The following ADAMTS2 variants were observed in gnomAD, a reference collection of about 807,000 sequenced individuals.
ADAMTS2 encodes A disintegrin and metalloproteinase with thrombospondin motifs 2.
A neutral mutation model predicts 123.0 loss-of-function variants in ADAMTS2; 50 were observed. The ratio of observed to expected loss-of-function variants is 0.41; its 90% CI spans 0.32 to 0.51. The LOEUF (loss-of-function observed/expected upper bound fraction) is 0.51, where lower values mean the gene tolerates loss of function less well. Ranked by LOEUF, ADAMTS2 falls within the 20% of genes least tolerant of loss-of-function variation. The probability of loss-of-function intolerance (pLI) is 0.35; values close to 1 mark genes in which losing one functional copy is unlikely to be tolerated. For missense variants in ADAMTS2, 1,494 were observed against 1,705.2 expected (o/e 0.88, Z 2.18); for synonymous variants, 678 against 695.4 (o/e 0.98, Z 0.39).
rs915560630 is a variant in ADAMTS2, at chr5:179,192,305, C to A, written c.892-11150G>T. On this transcript the variant is annotated intron_variant, in intron 4 of 21. Transcript: ENST00000251582. ...TGCATTACAAGCTCACGGCAAGGGT[C>A]GTCTGCTGCCAGCGTATCCCTCCCT... 2.0e-5 allele frequency among the ~76,000 whole-genome samples: 3 copies of A among 152,232 alleles called. 1 individual carries two copies. In the South Asian group the frequency reaches 6.2e-4, roughly 32 times the overall value.
rs2113577371 is a variant in ADAMTS2 at position 179,312,387 on chromosome 5, G to A, written c.534+31380C>T. On this transcript the variant is annotated intron_variant, in intron 2 of 21. Transcript: ENST00000251582. The surrounding 1 kb of genome is among the most constrained non-coding windows in gnomAD (Gnocchi z 4.2). ...TTCCATCCACACGAATGGGATTTGT[G>A]CCCCGATCAGAGGGACCCCAGAGAG... Among the ~76,000 whole-genome samples, 1 of 152,290 alleles carries A rather than the reference G, an allele frequency of 6.6e-6. No homozygotes were observed. Among genetic ancestry groups the A allele is most frequent in the Non-Finnish European group, 1.5e-5 (1 of 68,026 alleles).
rs578023428 is a variant in ADAMTS2, at chr5:179,152,900, T to C, written c.1515+591A>G. On this transcript the variant is annotated intron_variant, in intron 9 of 21. Transcript: ENST00000251582. ...GCTTTGTGGGCTCAGGCAGGTTACC[T>C]AGCCTCTCCGGGTCTCTGTTTCCTC... Among the ~76,000 whole-genome samples, 30 of 152,262 alleles carry C rather than the reference T, an allele frequency of 2.0e-4. 1 individual carries two copies. The South Asian group carries it at 6.0e-3, about 30-fold the overall frequency.
At chr5:179,295,665 A>G (rs529183233) in intron 2 of ADAMTS2, among the ~76,000 whole-genome samples, 45 of 152,322 alleles carry the variant, frequency 3.0e-4, no homozygotes, top group African/African-American at 1.0e-3. Context: ...CAACCACCAC[A>G]GACTCAGGAC....
chr5:179,268,903 C>T (rs1009359014), intron 3 of ADAMTS2, among the ~76,000 whole-genome samples: 1 of 152,244 alleles, frequency 6.6e-6, no homozygotes, highest in Non-Finnish European at 1.5e-5. Flanking sequence ...TAGCTGGCTG[C>T]ATGGTGCCCC....
chr5:179,176,870 C>G (rs1415210219), intron 5 of ADAMTS2, among the ~76,000 whole-genome samples: 1 of 152,030 alleles, frequency 6.6e-6, no homozygotes, highest in Non-Finnish European at 1.5e-5. Flanking sequence ...GCTCGTCCCT[C>G]TGGGTTCAGC....
At position 179,158,065 on chromosome 5, in the gene ADAMTS2, C is replaced by T. The variant is rs1360439967; in HGVS notation, c.1132+658G>A. On this transcript the variant is annotated intron_variant, in intron 6 of 21. Coordinates refer to ENST00000251582, the MANE Select transcript of ADAMTS2 (RefSeq NM_014244.5). The surrounding 1 kb of genome is among the most constrained non-coding windows in gnomAD (Gnocchi z 5.0). ...TTGCAAACTCCGCCTCCCGGGTTCA[C>T]ACCATTCTCCTGCCTCAGCCTCCCG... Among the ~76,000 whole-genome samples, 1 of 151,786 alleles carries T rather than the reference C, an allele frequency of 6.6e-6. No individual in the cohort carries two copies. The highest frequency in any genetic ancestry group is 1.5e-5 in the Non-Finnish European group (1 of 67,936).
chr5:179,272,788 CG>C lies in ADAMTS2; in HGVS notation c.688+122del. On this transcript the variant is annotated intron_variant, in intron 3 of 21. Transcript: ENST00000251582. This position sits in a 1 kb window ranked among gnomAD's most constrained non-coding sequence, Gnocchi z 5.8. ...TGGCCCATTTCTGAGCCACTGAGAC[CG>C]GGGCTCAGCCTCAGCAGCCAAGCTG... The C allele has an allele frequency of 7.8e-7, 1 of 1,289,172 alleles. No individual in the cohort carries two copies. Among genetic ancestry groups the C allele is most frequent in the Non-Finnish European group, 1.1e-6 (1 of 945,804 alleles). 79.9% of individuals were successfully genotyped at this position (1,289,172 alleles called of 1,614,324 possible).
chr5:179,268,536 G>A (rs75542619), intron 3 of ADAMTS2, among the ~76,000 whole-genome samples: 5,299 of 152,294 alleles, frequency 0.035, 127 homozygotes, highest in Middle Eastern at 0.065. Context: ...GAGTCCCAAG[G>A]TCAGTCTCTG....
chr5:179,290,026 A>G (rs1756141324), intron 2 of ADAMTS2, among the ~76,000 whole-genome samples: 1 of 152,216 alleles, frequency 6.6e-6, no homozygotes, highest in Non-Finnish European at 1.5e-5. Context: ...GAGTCGGAAG[A>G]CTGACAAAAT....
rs897584845 is a variant in ADAMTS2, at chr5:179,312,144, A to G, written c.534+31623T>C. On this transcript the variant is annotated intron_variant, in intron 2 of 21. Transcript: ENST00000251582. This position sits in a 1 kb window ranked among gnomAD's most constrained non-coding sequence, Gnocchi z 4.2. ...CCCCCGAAGACACGTCCGGGTCCCA[A>G]TCCCTGGAACCCATAAATGTTACCT... Among the ~76,000 whole-genome samples the G allele has an allele frequency of 6.6e-6, 1 of 152,202 alleles. No individual in the cohort carries two copies. Among genetic ancestry groups the G allele is most frequent in the African/African-American group, 2.4e-5 (1 of 41,448 alleles).
intron 2 of ADAMTS2, among the ~76,000 whole-genome samples, chr5:179,328,196 C>T (rs1480590254): frequency 6.6e-6 from 1 of 152,166 alleles, no homozygotes; most frequent in Non-Finnish European, 1.5e-5. Context: ...CCACGCCCGG[C>T]TAATTTTTTG....
Position 179,202,444 on chromosome 5 carries a change from C to T in ADAMTS2, c.891+5069G>A. Among the ~76,000 whole-genome samples, 1 of 151,048 alleles carries T rather than the reference C, an allele frequency of 6.6e-6. No homozygotes were observed. The highest frequency in any genetic ancestry group is 6.6e-5 in the Admixed American group (1 of 15,242). On this transcript the variant is annotated intron_variant, in intron 4 of 21. Transcript: ENST00000251582. The surrounding 1 kb of genome is among the most constrained non-coding windows in gnomAD (Gnocchi z 4.0). Reference sequence around the variant, plus strand: ...CCTACCCTTCTTCCTTCTCCATCTCCTAACTATTTTATTTCTTTCATTGCA... The same window carrying T: ...CCTACCCTTCTTCCTTCTCCATCTCTTAACTATTTTATTTCTTTCATTGCA...
chr5:179,218,904 GGT>G (rs1382341818), intron 3 of ADAMTS2, among the ~76,000 whole-genome samples: 1 of 152,200 alleles, frequency 6.6e-6, no homozygotes, highest in Non-Finnish European at 1.5e-5. Flanking sequence ...ACCCCTCAGT[GGT>G]GGACACAGAA....
chr5:179,246,182 T>TAGGTTGC (rs1384925913), intron 3 of ADAMTS2, among the ~76,000 whole-genome samples: 5 of 152,212 alleles, frequency 3.3e-5, no homozygotes, highest in African/African-American at 1.2e-4. Flanking sequence ...ATTCCTGGTG[T>TAGGTTGC]AGGTTGCTGA....
intron 2 of ADAMTS2, among the ~76,000 whole-genome samples, chr5:179,292,841 C>T (rs1449038570): frequency 6.6e-6 from 1 of 152,222 alleles, no homozygotes; most frequent in African/African-American, 2.4e-5. Context: ...GGCTGGGGCC[C>T]TCCAAGGTAC....
intron 4 of ADAMTS2, among the ~76,000 whole-genome samples, chr5:179,203,018 C>A (rs561668253): frequency 3.1e-4 from 47 of 152,328 alleles, no homozygotes; most frequent in African/African-American, 1.1e-3. Flanking sequence ...CCCCATATCC[C>A]AGCCCAGGCT....
chr5:179,296,380 G>A lies in ADAMTS2; in HGVS notation c.535-23316C>T, dbSNP rs144766741. On this transcript the variant is annotated intron_variant, in intron 2 of 21. Coordinates refer to ENST00000251582, the MANE Select transcript of ADAMTS2 (RefSeq NM_014244.5). ...GCAAGGAGGTGGGTGAGCAGGGAGC[G>A]GGAAGGTCCCAAGGGGGGATGCTGC... is the stretch of plus-strand genomic sequence containing the variant. Among the ~76,000 whole-genome samples the A allele has an allele frequency of 3.3e-3, 497 of 152,266 alleles. 2 individuals carry two copies. Among genetic ancestry groups the A allele is most frequent in the Non-Finnish European group, 5.9e-3 (398 of 68,006 alleles).
In ADAMTS2 at chr5:179,343,648, G is replaced by A. The variant is rs1757844533; in HGVS notation, c.534+119C>T. On this transcript the variant is annotated intron_variant, in intron 2 of 21. Coordinates refer to ENST00000251582, the MANE Select transcript of ADAMTS2 (RefSeq NM_014244.5). The stretch of plus-strand genomic sequence containing the variant: ...GAGCACGAGGCTCACTAAAGCACGG[G>A]AAGGGCGCGGAAAGTCCTCAGCGCA... 5 of 1,374,834 alleles carry A rather than the reference G, an allele frequency of 3.6e-6. No homozygotes were observed. In the South Asian group the frequency reaches 5.2e-5, roughly 14 times the overall value. The allele number at this position is 1,374,834 out of a possible 1,614,324, so 85.2% of individuals were successfully genotyped here. A position where few individuals can be genotyped will look rare whatever the true frequency, so the allele number is the denominator to read the frequency against.
chr5:179,209,150 T>C (rs1281691435), intron 3 of ADAMTS2, among the ~76,000 whole-genome samples: 1 of 152,156 alleles, frequency 6.6e-6, no homozygotes, highest in East Asian at 1.9e-4. Context: ...CAGGCCCTCA[T>C]CCCGGCACAC....
Sources: gnomAD v4.1 joint callset for allele counts (sites outside exome capture counted in the v4.1 genomes callset) on GRCh38, gnomAD v4.1.1 for gene constraint, Gnocchi (gnomAD v3.1) non-coding constraint, MANE v1.5 for transcripts, NCBI Gene and HGNC (gene_info 2026-07-23, HGNC 2026-07-21) for gene names.